MGAT4C: variants seen among roughly 807,000 people sequenced by gnomAD.
MGAT4C encodes alpha-1,3-mannosyl-glycoprotein 4-beta-N-acetylglucosaminyltransferase C.
A neutral mutation model predicts 40.1 loss-of-function variants in MGAT4C; 19 were observed. That is an observed-to-expected ratio of 0.47 (90% CI 0.33 to 0.70). The LOEUF is 0.70. Among genes scored for constraint, MGAT4C ranks in the 30% least tolerant of loss-of-function variants. The pLI is 0.02. For synonymous variants in MGAT4C, 181 were observed against 187.1 expected (o/e 0.97, Z 0.27); for missense variants, 491 against 563.2 (o/e 0.87, Z 1.30).
chr12:86,317,487 TTA>T lies in MGAT4C; in HGVS notation c.-57+16576_-57+16577del, dbSNP rs1954270569. ...CAATATTAACACATTGTTGAGACATTTATATGTGTCAGAAAAAAATATAAAAA... is the reference window on the plus strand; with the variant it reads ...CAATATTAACACATTGTTGAGACATTTATGTGTCAGAAAAAAATATAAAAA... On this transcript the variant is annotated intron_variant, in intron 4 of 7. Coordinates refer to the MGAT4C transcript ENST00000548651. Among the ~76,000 whole-genome samples the T allele has an allele frequency of 3.3e-5, 5 of 152,206 alleles. No individual in the cohort carries two copies. The South Asian group carries it at 8.3e-4, about 25-fold the overall frequency.
intron 2 of MGAT4C, among the ~76,000 whole-genome samples, chr12:86,668,117 G>A (rs1964160952): frequency 6.6e-6 from 1 of 152,154 alleles, no homozygotes; most frequent in Admixed American, 6.5e-5. Flanking sequence ...CATGATCCAA[G>A]TACTATTATA....
chr12:86,512,912 G>T (rs942459666), intron 2 of MGAT4C, among the ~76,000 whole-genome samples: 1 of 152,040 alleles, frequency 6.6e-6, no homozygotes, highest in Non-Finnish European at 1.5e-5. Flanking sequence ...TTTTTAAAGG[G>T]TAGATCTCAT....
At chr12:86,744,271 G>A (rs1460197413) in intron 1 of MGAT4C, among the ~76,000 whole-genome samples, 2 of 151,326 alleles carry the variant, frequency 1.3e-5, no homozygotes, top group African/African-American at 2.4e-5. Flanking sequence ...CCTGAGGATA[G>A]CTTCCATTAC....
At chr12:86,676,276 G>A (rs1184004555) in intron 2 of MGAT4C, among the ~76,000 whole-genome samples, 2 of 152,118 alleles carry the variant, frequency 1.3e-5, no homozygotes, top group Non-Finnish European at 2.9e-5. Flanking sequence ...CAAGTACGCA[G>A]TTCAATATGA....
In MGAT4C at chr12:86,775,017, A is replaced by C. The variant is rs1951727654; in HGVS notation, c.-261-47776T>G. ...GTGGCTAACTTTTGTAAACATACCA[A>C]AGCTTTGTCTTTTAAAAACATATAC... On this transcript the variant is annotated intron_variant, in intron 1 of 7. Coordinates refer to the MGAT4C transcript ENST00000548651. Among the ~76,000 whole-genome samples the C allele has an allele frequency of 2.0e-5, 3 of 152,216 alleles. No homozygotes were observed. In the South Asian group the frequency reaches 6.2e-4, roughly 31 times the overall value.
intron 2 of MGAT4C, among the ~76,000 whole-genome samples, chr12:86,609,511 G>C (rs542348903): frequency 2.6e-5 from 4 of 152,028 alleles, no homozygotes; most frequent in Non-Finnish European, 5.9e-5. Context: ...ATCAGATAGG[G>C]TTAAGAAACA....
chr12:86,834,311 G>A (rs1007967639), intron 1 of MGAT4C, among the ~76,000 whole-genome samples: 7 of 151,724 alleles, frequency 4.6e-5, no homozygotes, highest in African/African-American at 9.7e-5. Flanking sequence ...CTAACTTTGG[G>A]TCAAAGGGGC....
intron 1 of MGAT4C, among the ~76,000 whole-genome samples, chr12:86,197,022 AAGG>A (rs1402620585): frequency 6.6e-6 from 1 of 152,218 alleles, no homozygotes; most frequent in Non-Finnish European, 1.5e-5. Context: ...TCTAAGCAAT[AAGG>A]AAAAATCCAG....
chr12:86,570,906 T>C (rs569100121), intron 2 of MGAT4C, among the ~76,000 whole-genome samples: 1 of 152,208 alleles, frequency 6.6e-6, no homozygotes, highest in East Asian at 1.9e-4. Context: ...CTCCAACTCC[T>C]GGGTTTAAGC....
chr12:86,574,008 G>A (rs1053074502), intron 2 of MGAT4C, among the ~76,000 whole-genome samples: 28 of 151,642 alleles, frequency 1.8e-4, no homozygotes, highest in Non-Finnish European at 1.8e-4. Flanking sequence ...CACAAGGTAC[G>A]TTGAATAATC....
chr12:86,592,887 C>T (rs945048158), intron 2 of MGAT4C, among the ~76,000 whole-genome samples: 1 of 152,124 alleles, frequency 6.6e-6, no homozygotes, highest in African/African-American at 2.4e-5. Context: ...TCAACATTTA[C>T]CTTTATTGTC....
At chr12:86,626,283 A>G (rs893218402) in intron 2 of MGAT4C, among the ~76,000 whole-genome samples, 2 of 152,254 alleles carry the variant, frequency 1.3e-5, no homozygotes, top group Admixed American at 6.5e-5. Flanking sequence ...ATGTGTGCAT[A>G]TAAAACAAAT....
intron 1 of MGAT4C, among the ~76,000 whole-genome samples, chr12:86,792,402 C>G (rs1952038575): frequency 6.6e-6 from 1 of 152,068 alleles, no homozygotes. Flanking sequence ...TACACCTTAG[C>G]CTTTACCCAG....
chr12:86,330,472 A>G (rs1954638082), intron 4 of MGAT4C, among the ~76,000 whole-genome samples: 1 of 152,194 alleles, frequency 6.6e-6, no homozygotes, highest in Non-Finnish European at 1.5e-5. Flanking sequence ...CTTGAGACCA[A>G]TGAGAAAAAT....
At chr12:86,476,305 C>T (rs1239610204) in intron 2 of MGAT4C, among the ~76,000 whole-genome samples, 7 of 151,998 alleles carry the variant, frequency 4.6e-5, no homozygotes, top group Non-Finnish European at 1.0e-4. Context: ...GAAAAGAAGA[C>T]ATACAAGTGG....
intron 4 of MGAT4C, among the ~76,000 whole-genome samples, chr12:86,325,768 C>G (rs1954511633): frequency 6.6e-6 from 1 of 151,932 alleles, no homozygotes; most frequent in African/African-American, 2.4e-5. Context: ...TCTCAGCTAC[C>G]CAGGAGGCTG....
At chr12:86,666,129 A>G (rs1169517352) in intron 2 of MGAT4C, among the ~76,000 whole-genome samples, 1 of 152,208 alleles carries the variant, frequency 6.6e-6, no homozygotes, top group Non-Finnish European at 1.5e-5. Context: ...AGCACTTAAA[A>G]AATATGAGGC....
chr12:86,569,163 A>G (rs1238597140), intron 2 of MGAT4C, among the ~76,000 whole-genome samples: 4 of 152,048 alleles, frequency 2.6e-5, no homozygotes, highest in African/African-American at 9.7e-5. Flanking sequence ...TCATAGGGTA[A>G]AAGCCTCCAA....
intron 1 of MGAT4C, among the ~76,000 whole-genome samples, chr12:86,204,230 T>C (rs1274279336): frequency 6.6e-6 from 1 of 151,736 alleles, no homozygotes; most frequent in Non-Finnish European, 1.5e-5. Context: ...GAAAAATTTT[T>C]CTTGATGAAA....
Sources: gnomAD v4.1 joint callset for allele counts (sites outside exome capture counted in the v4.1 genomes callset) on GRCh38, gnomAD v4.1.1 for gene constraint, MANE v1.5 for transcripts, NCBI Gene and HGNC (gene_info 2026-07-23, HGNC 2026-07-21) for gene names.